ZNF557: variants seen among roughly 807,000 people sequenced by gnomAD.
ZNF557 encodes CTB-25J19.9.
A neutral mutation model predicts 21.2 loss-of-function variants in ZNF557; 19 were observed. That is an observed-to-expected ratio of 0.90 (90% CI 0.63 to 1.32). The LOEUF is 1.32. Ranked by LOEUF, ZNF557 falls within the 40% of genes most tolerant of loss-of-function variation. ZNF557 has a pLI of 0.00. For synonymous variants in ZNF557, 207 were observed against 194.8 expected (o/e 1.06, Z -0.52); for missense variants, 487 against 519.8 (o/e 0.94, Z 0.61).
intron 6 of ZNF557, 78 bp from the exon 7 acceptor site, chr19:7,081,892 A>G (rs1162631874): frequency 8.2e-6 from 9 of 1,093,784 alleles, no homozygotes; most frequent in African/African-American, 1.6e-5. Context: ...TCACTCACGT[A>G]TGCATTTTAC....
In ZNF557 at chr19:7,083,509, G is replaced by A; in HGVS notation, c.1058G>A (p.Cys353Tyr). Residue 353 changes from cysteine (C) to tyrosine (Y), a missense_variant, in exon 8 of 8, where the codon TGT becomes TAT. Cys to Tyr is a radical substitution (Grantham distance 194). Transcript: ENST00000252840. ...TGEKPYTCNE[C>Y]GKSFTNSFSL... ...GAAAAACCCTACACATGTAATGAGT[G>A]TGGGAAATCCTTTACCAATAGCTTT... 6.2e-7 allele frequency: 1 copy of A among 1,614,232 alleles called. No homozygotes were observed. Among genetic ancestry groups the A allele is most frequent in the Non-Finnish European group, 8.5e-7 (1 of 1,180,046 alleles).
At position 7,083,928 on chromosome 19, in the gene ZNF557, A is replaced by G; in HGVS notation, c.*184A>G. ...TAGGTCAGGAATTCAGAAACAACAT[A>G]GCTCTATAGTTCTTCAGGATATCTC... is the stretch of plus-strand genomic sequence containing the variant. On this transcript the variant is annotated 3_prime_UTR_variant, in exon 8 of 8. Coordinates refer to ENST00000252840, the MANE Select transcript of ZNF557 (RefSeq NM_024341.3). 1.6e-6 allele frequency: 1 copy of G among 621,490 alleles called. No individual in the cohort carries two copies. The highest frequency in any genetic ancestry group is 2.8e-6 in the Non-Finnish European group (1 of 359,506). 38.5% of individuals were successfully genotyped at this position (621,490 alleles called of 1,614,324 possible). A position where few individuals can be genotyped will look rare whatever the true frequency, so the allele number is the denominator to read the frequency against.
At chr19:7,079,503 G>A (rs529322954) in intron 5 of ZNF557, among the ~76,000 whole-genome samples, 2 of 152,166 alleles carry the variant, frequency 1.3e-5, no homozygotes, top group East Asian at 1.9e-4. Context: ...GCCTCCCAAA[G>A]TGCTGGGATT....
intron 3 of ZNF557, among the ~76,000 whole-genome samples, chr19:7,075,371 C>T (rs141315846): frequency 6.1e-4 from 93 of 152,318 alleles, no homozygotes; most frequent in African/African-American, 2.1e-3. Flanking sequence ...AACACAGTGA[C>T]GCCCTCGGAA....
chr19:7,074,472 C>CT (rs946212582), intron 2 of ZNF557, among the ~76,000 whole-genome samples: 57 of 145,532 alleles, frequency 3.9e-4, no homozygotes, highest in African/African-American at 7.3e-4. Context: ...GATCTTCTCT[C>CT]TTTTTTTTTT....
intron 2 of ZNF557, among the ~76,000 whole-genome samples, chr19:7,074,329 T>TACACACAC (rs143012504): frequency 0.022 from 3,167 of 147,154 alleles, 67 homozygotes; most frequent in African/African-American, 0.032. Context: ...TTTGTGTGTA[T>TACACACAC]ATACACACAC....
At chr19:7,072,115 CAAAAAA>C (rs71177148) in intron 2 of ZNF557, among the ~76,000 whole-genome samples, 3 of 67,364 alleles carry the variant, frequency 4.5e-5, no homozygotes, top group African/African-American at 6.7e-5. Flanking sequence ...GACTCCGTCT[CAAAAAA>C]AAAAAAAAAA....
intron 2 of ZNF557, among the ~76,000 whole-genome samples, chr19:7,074,298 G>C (rs542283351): frequency 6.8e-6 from 1 of 147,446 alleles, no homozygotes; most frequent in African/African-American, 2.5e-5. Flanking sequence ...GAGCCACCGC[G>C]CCTGGCCAGC....
At chr19:7,071,739 G>A (rs1369985888) in intron 2 of ZNF557, among the ~76,000 whole-genome samples, 1 of 143,852 alleles carries the variant, frequency 7.0e-6, no homozygotes, top group African/African-American at 2.6e-5. Context: ...GGCGGAGACT[G>A]CAGTGAGCCA....
intron 1 of ZNF557, among the ~76,000 whole-genome samples, 159 bp from the exon 2 acceptor site, chr19:7,070,403 T>C (rs1270458037): frequency 1.3e-5 from 2 of 152,194 alleles, no homozygotes; most frequent in Non-Finnish European, 2.9e-5. Flanking sequence ...GCACAGCCAG[T>C]AGCCTGGGTT....
chr19:7,082,451 T>G (rs1977732533), intron 7 of ZNF557, among the ~76,000 whole-genome samples: 1 of 150,570 alleles, frequency 6.6e-6, no homozygotes. Context: ...GTGGCTTTAT[T>G]AAATAGTTAT....
At chr19:7,072,424 A>G (rs10407779) in intron 2 of ZNF557, among the ~76,000 whole-genome samples, 130,996 of 152,220 alleles carry the variant, frequency 0.86, 56,457 homozygotes, top group Middle Eastern at 0.89. Flanking sequence ...GACTGTCTCA[A>G]AATAAATACA....
chr19:7,080,302 T>C (rs1403335405), intron 5 of ZNF557, among the ~76,000 whole-genome samples: 2 of 152,106 alleles, frequency 1.3e-5, no homozygotes, highest in African/African-American at 4.8e-5. Flanking sequence ...AGACTCCATC[T>C]TGTGGGGGAA....
rs979605002 is a variant in ZNF557, at chr19:7,083,907, T to G, written c.*163T>G. The G allele has an allele frequency of 1.5e-5, 11 of 732,910 alleles. No homozygotes were observed. Among genetic ancestry groups the G allele is most frequent in the Non-Finnish European group, 2.4e-5 (11 of 452,166 alleles). 45.4% of individuals were successfully genotyped at this position (732,910 alleles called of 1,614,324 possible). ...CTTGTTATCTCAAAATTTTTGTAGG[T>G]CAGGAATTCAGAAACAACATAGCTC... On this transcript the variant is annotated 3_prime_UTR_variant, in exon 8 of 8. Coordinates refer to ENST00000252840, the MANE Select transcript of ZNF557 (RefSeq NM_024341.3).
intron 5 of ZNF557, among the ~76,000 whole-genome samples, chr19:7,079,925 G>A: frequency 6.6e-6 from 1 of 152,286 alleles, no homozygotes; most frequent in Admixed American, 6.5e-5. Flanking sequence ...AGAGCCTGAA[G>A]GTCAGTCAAA....
At position 7,085,508 on chromosome 19, in the gene ZNF557, C is replaced by T. The variant is rs1251003599; in HGVS notation, c.*1764C>T. The stretch of plus-strand genomic sequence containing the variant: ...GATGAGGGAATGTTTTCAGTGATAC[C>T]TCTTATATTAGGAAAAATATGTAAA... On this transcript the variant is annotated 3_prime_UTR_variant, in exon 8 of 8. Coordinates refer to ENST00000252840, the MANE Select transcript of ZNF557 (RefSeq NM_024341.3). The T allele has an allele frequency of 6.6e-6, 1 of 152,170 alleles. No individual in the cohort carries two copies. Among genetic ancestry groups the T allele is most frequent in the Non-Finnish European group, 1.5e-5 (1 of 68,042 alleles). The allele number at this position is 152,170 out of a possible 1,614,324, so 9.4% of individuals were successfully genotyped here.
Position 7,087,415 on chromosome 19 carries a change from C to T in ZNF557, c.*3671C>T, listed in dbSNP as rs954893860. ...ATTAACCGAGCATGTTGGCGCATGC[C>T]TGTAATCTCAGCTACTTGGAAGGCT... is the stretch of plus-strand genomic sequence containing the variant. On this transcript the variant is annotated 3_prime_UTR_variant, in exon 8 of 8. Transcript: ENST00000252840. 2 of 151,228 alleles carry T rather than the reference C, an allele frequency of 1.3e-5. No homozygotes were observed. The highest frequency in any genetic ancestry group is 4.9e-5 in the African/African-American group (2 of 41,188). The allele number at this position is 151,228 out of a possible 1,614,324, so 9.4% of individuals were successfully genotyped here. A position where few individuals can be genotyped will look rare whatever the true frequency, so the allele number is the denominator to read the frequency against.
intron 5 of ZNF557, among the ~76,000 whole-genome samples, chr19:7,077,140 T>C (rs1599840869): frequency 7.6e-6 from 1 of 131,148 alleles, no homozygotes; most frequent in East Asian, 2.1e-4. Context: ...TTCTTTTTTT[T>C]TTTTTTTTTT....
chr19:7,074,468 C>G (rs1161191128), intron 2 of ZNF557, among the ~76,000 whole-genome samples: 1 of 151,296 alleles, frequency 6.6e-6, no homozygotes, highest in African/African-American at 2.4e-5. Flanking sequence ...TAGAGATCTT[C>G]TCTCTTTTTT....
Sources: allele counts gnomAD v4.1 joint callset (sites outside exome capture counted in the v4.1 genomes callset), GRCh38; gene constraint gnomAD v4.1.1; transcripts MANE v1.5; gene names NCBI Gene and HGNC (gene_info 2026-07-23, HGNC 2026-07-21).